GPT2: variants seen among roughly 807,000 people sequenced by gnomAD.
The protein encoded by GPT2 is glutamic--pyruvic transaminase 2, also known as alanine aminotransferase 2.
Under a neutral mutation model 56.9 loss-of-function variants are expected in GPT2, and 30 were observed. The ratio of observed to expected loss-of-function variants is 0.53; its 90% CI spans 0.39 to 0.72. GPT2 has a LOEUF of 0.72. GPT2 is among the 30% of genes least tolerant of loss of function. The pLI, the probability that GPT2 is intolerant of heterozygous loss-of-function variation, is 0.00. For synonymous variants in GPT2, 271 were observed against 283.1 expected (o/e 0.96, Z 0.43); for missense variants, 542 against 703.4 (o/e 0.77, Z 2.60).
At chr16:46,889,026 G>C (rs1306053077) in intron 2 of GPT2, among the ~76,000 whole-genome samples, 1 of 151,764 alleles carries the variant, frequency 6.6e-6, no homozygotes, top group South Asian at 2.1e-4. Context: ...AGCCCATACT[G>C]TTTGCAGAGC....
chr16:46,911,234 G>A (rs1961041547), intron 6 of GPT2, among the ~76,000 whole-genome samples: 1 of 152,200 alleles, frequency 6.6e-6, no homozygotes, highest in African/African-American at 2.4e-5. Context: ...AGTCCTGCCT[G>A]TTTTGATCTT....
intron 4 of GPT2, among the ~76,000 whole-genome samples, chr16:46,904,126 G>A (rs1036348153): frequency 6.6e-6 from 1 of 152,204 alleles, no homozygotes; most frequent in African/African-American, 2.4e-5. Flanking sequence ...AGGGTGTAGT[G>A]GAGCACAGCC....
intron 10 of GPT2, among the ~76,000 whole-genome samples, chr16:46,925,541 T>C (rs1222011686): frequency 1.3e-5 from 2 of 152,098 alleles, no homozygotes; most frequent in Non-Finnish European, 2.9e-5. Context: ...TCAGAATTCC[T>C]AGTGTTAGGC....
chr16:46,884,847 C>G lies in GPT2; in HGVS notation c.132C>G (p.Arg44=). 4.5e-6 allele frequency: 7 copies of G among 1,542,510 alleles called. No individual in the cohort carries two copies. Among genetic ancestry groups the G allele is most frequent in the Non-Finnish European group, 4.4e-6 (5 of 1,144,418 alleles). Reference sequence around the variant, plus strand: ...AGGTGCGGCCCGAGCGCAGCCGGCGCGAGCGCATCCTCACGCTGGAGTCCA... The same window carrying G: ...AGGTGCGGCCCGAGCGCAGCCGGCGGGAGCGCATCCTCACGCTGGAGTCCA... ...VLKVRPERSR[R]ERILTLESMN... Residue 44 remains arginine (R), a synonymous_variant, in exon 2 of 12, where the codon CGC becomes CGG. Transcript: ENST00000340124.
chr16:46,916,799 T>C (rs994791915), intron 7 of GPT2, 92 bp downstream of exon 7: 2 of 884,708 alleles, frequency 2.3e-6, no homozygotes, highest in African/African-American at 3.3e-5. Flanking sequence ...CAGAGAGAAC[T>C]GTCTTGGTGT....
chr16:46,887,986 C>T (rs1267290215), intron 2 of GPT2, among the ~76,000 whole-genome samples: 1 of 152,312 alleles, frequency 6.6e-6, no homozygotes, highest in East Asian at 1.9e-4. Flanking sequence ...TCCTGGTGTT[C>T]ACTGCGAGCA....
intron 6 of GPT2, among the ~76,000 whole-genome samples, chr16:46,910,452 A>G (rs1961027381): frequency 6.6e-6 from 1 of 150,656 alleles, no homozygotes; most frequent in Non-Finnish European, 1.5e-5. Flanking sequence ...CTACTAGGGA[A>G]GCTGAGGTGG....
At chr16:46,917,488 T>C (rs761209705) in intron 7 of GPT2, among the ~76,000 whole-genome samples, 1 of 152,196 alleles carries the variant, frequency 6.6e-6, no homozygotes, top group African/African-American at 2.4e-5. Flanking sequence ...ACCTGTTGCT[T>C]CTTGAACTCC....
At chr16:46,907,632 A>C (rs1275240667) in intron 5 of GPT2, among the ~76,000 whole-genome samples, 1 of 152,236 alleles carries the variant, frequency 6.6e-6, no homozygotes, top group East Asian at 1.9e-4. Context: ...ATGAGTGCAC[A>C]GCAAGGGTCG....
At chr16:46,901,941 C>G (rs1026692420) in intron 4 of GPT2, among the ~76,000 whole-genome samples, 1 of 152,358 alleles carries the variant, frequency 6.6e-6, no homozygotes, top group Middle Eastern at 3.4e-3. Flanking sequence ...GCCCGGCTTC[C>G]GGGCTCCTTT....
chr16:46,886,220 G>A (rs1396462813), intron 2 of GPT2, among the ~76,000 whole-genome samples: 1 of 152,198 alleles, frequency 6.6e-6, no homozygotes, highest in African/African-American at 2.4e-5. Flanking sequence ...GCCGGGCAGA[G>A]AACACAGGCT....
At position 46,906,915 on chromosome 16, in the gene GPT2, C is replaced by T. The variant is rs752201689; in HGVS notation, c.516C>T (p.Gly172=). ...DVAAYITRRD[G]GVPADPDNIY... The stretch of plus-strand genomic sequence containing the variant: ...CTGCCTACATCACCAGGAGGGATGG[C>T]GGTGTGCCTGCGGACCCCGACAACA... The change falls in exon 5 of 12, where the codon GGC becomes GGT. Residue 172 remains glycine, a synonymous_variant. Transcript: ENST00000340124. The T allele has an allele frequency of 6.8e-6, 11 of 1,614,182 alleles. No individual in the cohort carries two copies. The Admixed American group carries it at 1.2e-4, about 17-fold the overall frequency.
chr16:46,896,749 G>A (rs1470803594), intron 2 of GPT2, among the ~76,000 whole-genome samples: 1 of 152,206 alleles, frequency 6.6e-6, no homozygotes, highest in Non-Finnish European at 1.5e-5. Context: ...TGGCAGTCAG[G>A]CAGCGGAGCA....
chr16:46,912,135 G>C (rs1224082860), intron 6 of GPT2, among the ~76,000 whole-genome samples: 1 of 152,148 alleles, frequency 6.6e-6, no homozygotes. Context: ...CTGTGACCAG[G>C]GTGGCTTAAA....
intron 5 of GPT2, among the ~76,000 whole-genome samples, chr16:46,909,156 A>G (rs1960993827): frequency 6.6e-6 from 1 of 152,136 alleles, no homozygotes; most frequent in South Asian, 2.1e-4. Flanking sequence ...CTGATAACAC[A>G]CATTCCTGGG....
At chr16:46,915,357 T>C (rs1408559505) in intron 6 of GPT2, 1 of 46,544 alleles carries the variant, frequency 2.1e-5, no homozygotes, top group South Asian at 3.3e-3. Context: ...CACCCACACA[T>C]GCACATGTGT....
chr16:46,894,785 C>G (rs1460386532), intron 2 of GPT2, among the ~76,000 whole-genome samples: 2 of 152,142 alleles, frequency 1.3e-5, no homozygotes, highest in Admixed American at 1.3e-4. Context: ...CCTGCCTCAG[C>G]GTCCCGAGTA....
chr16:46,887,062 G>C (rs1732719881), intron 2 of GPT2, among the ~76,000 whole-genome samples: 2 of 152,086 alleles, frequency 1.3e-5, no homozygotes, highest in South Asian at 4.1e-4. Context: ...CTTAAACAGT[G>C]CCCTTCTTGC....
At chr16:46,907,898 C>A (rs1422202150) in intron 5 of GPT2, among the ~76,000 whole-genome samples, 1 of 152,136 alleles carries the variant, frequency 6.6e-6, no homozygotes, top group Non-Finnish European at 1.5e-5. Context: ...TGGTTACTTG[C>A]AGTCTGGAGT....
Sources: gnomAD v4.1 joint callset for allele counts (sites outside exome capture counted in the v4.1 genomes callset) on GRCh38, gnomAD v4.1.1 for gene constraint, MANE v1.5 for transcripts, NCBI Gene and HGNC (gene_info 2026-07-23, HGNC 2026-07-21) for gene names.